KCNQ2: variants seen among roughly 807,000 people sequenced by gnomAD.
KCNQ2 encodes potassium voltage-gated channel subfamily Q member 2, also known as potassium voltage-gated channel subfamily KQT member 2.
In KCNQ2, 14 loss-of-function variants were observed where a neutral mutation model predicts 84.8. That is an observed-to-expected ratio of 0.17 (90% CI 0.11 to 0.26). The LOEUF (loss-of-function observed/expected upper bound fraction) is 0.26, where lower values mean the gene tolerates loss of function less well. Among genes scored for constraint, KCNQ2 ranks in the 10% least tolerant of loss-of-function variants. KCNQ2 has a pLI of 1.00. For missense variants in KCNQ2, 788 were observed against 1,254.0 expected, an observed-to-expected ratio of 0.63 and a Z score of 5.61; for synonymous variants, 599 against 554.1, an observed-to-expected ratio of 1.08 and a Z score of -1.14.
At chr20:63,458,072 A>G (rs1272396652) in intron 1 of KCNQ2, among the ~76,000 whole-genome samples, 1 of 151,890 alleles carries the variant, frequency 6.6e-6, no homozygotes, top group Non-Finnish European at 1.5e-5. Flanking sequence ...AGCCCCATGC[A>G]GAGGTCCTGG....
intron 10 of KCNQ2, 60 bp downstream of exon 10, chr20:63,428,307 G>C: frequency 3.0e-6 from 4 of 1,343,526 alleles, no homozygotes; most frequent in African/African-American, 1.5e-5. Context: ...TCTGTGGGCA[G>C]CTGGGGCCCC....
intron 1 of KCNQ2, chr20:63,471,894 G>C (rs542223265): frequency 2.4e-6 from 1 of 414,694 alleles, no homozygotes; most frequent in Non-Finnish European, 4.2e-6. Flanking sequence ...CCCAGGCTGA[G>C]GAGGGGGCTG....
rs1370256905 is a variant in KCNQ2, at chr20:63,438,182, C to T, written c.1023+443G>A. ...ACAGTGGTCACTGCACGCTACCCAC[C>T]CCCAAATGGTGGGACGGCACTGGGT... On this transcript the variant is annotated intron_variant, in intron 7 of 16. Transcript: ENST00000359125. This position sits in a 1 kb window ranked among gnomAD's most constrained non-coding sequence, Gnocchi z 5.1. The T allele has an allele frequency of 3.6e-6, 1 of 274,806 alleles. No homozygotes were observed. The highest frequency in any genetic ancestry group is 8.8e-5 in the East Asian group (1 of 11,350). The allele number at this position is 274,806 out of a possible 1,614,324, so 17.0% of individuals were successfully genotyped here. A position where few individuals can be genotyped will look rare whatever the true frequency, so the allele number is the denominator to read the frequency against.
At chr20:63,416,488 C>G (rs1568884286) in intron 12 of KCNQ2, among the ~76,000 whole-genome samples, 1 of 152,212 alleles carries the variant, frequency 6.6e-6, no homozygotes, top group African/African-American at 2.4e-5. Context: ...GTGGGGCTCT[C>G]ACGAACTGGG....
In KCNQ2 at chr20:63,419,616, T is replaced by C. The variant is rs1377778869; in HGVS notation, c.1301+3A>G. ...TCAGTCCGTGCGGCGTGTTCCGCGG[T>C]ACCTAGAGCGTCCGGGGCAGCATCC... On this transcript the variant is annotated splice_donor_region_variant and intron_variant, in intron 12 of 16. Coordinates refer to ENST00000359125, the MANE Select transcript of KCNQ2 (RefSeq NM_172107.4). 1 of 1,606,568 alleles carries C rather than the reference T, an allele frequency of 6.2e-7. No homozygotes were observed. The highest frequency in any genetic ancestry group is 8.5e-7 in the Non-Finnish European group (1 of 1,176,240).
rs1248104412 is a variant in KCNQ2 at position 63,428,408 on chromosome 20, C to T, written c.1176G>A (p.Glu392=). 1 of 1,589,700 alleles carries T rather than the reference C, an allele frequency of 6.3e-7. No individual in the cohort carries two copies. Among genetic ancestry groups the T allele is most frequent in the South Asian group, 1.2e-5 (1 of 86,706 alleles). Residue 392 remains glutamate, a synonymous_variant, in exon 10 of 17, where the codon GAG becomes GAA. Transcript: ENST00000359125. ...ATTTACTCTTGAGGTTCCTCAGCAG[C>T]TCCAGCTGGTTCAGCGGGGGGATAA... ...SRLIPPLNQL[E]LLRNLKSKSG...
At chr20:63,436,383 T>C (rs913655289) in intron 7 of KCNQ2, among the ~76,000 whole-genome samples, 6 of 151,992 alleles carry the variant, frequency 3.9e-5, no homozygotes, top group African/African-American at 1.5e-4. Flanking sequence ...TACAAAAAAT[T>C]AGCCAGGCGT....
chr20:63,444,795 G>A lies in KCNQ2; in HGVS notation c.554C>T (p.Ala185Val), dbSNP rs1131691529. 6.2e-7 allele frequency: 1 copy of A among 1,608,108 alleles called. No homozygotes were observed. ...GGCAAAGACGTTGCCCTGGGAGCCG[G>A]CGGCCAGCACCGCAATGGAGGCGAT... Reference protein sequence around the residue: ...VLIASIAVLAAGSQGNVFATS... With the variant: ...VLIASIAVLAVGSQGNVFATS... The change falls in exon 4 of 17, where the codon GCC (alanine) becomes GTC (valine). Residue 185 changes from alanine (A) to valine (V), a missense_variant. By Grantham distance (64) the Ala-to-Val change is moderately conservative (BLOSUM62 0). Around this residue, in one of 8 missense-constraint regions of KCNQ2, gnomAD observed 12 missense variants for 50.2 expected, o/e 0.24. Transcript: ENST00000359125.
chr20:63,450,605 G>A (rs183803886), intron 1 of KCNQ2, among the ~76,000 whole-genome samples: 81 of 124,946 alleles, frequency 6.5e-4, no homozygotes, highest in Middle Eastern at 4.0e-3. Flanking sequence ...GATCCCTAGC[G>A]CAGAGGTCAC....
chr20:63,428,510 G>A, intron 9 of KCNQ2, 75 bp from the exon 10 acceptor site: 2 of 1,268,264 alleles, frequency 1.6e-6, no homozygotes, highest in South Asian at 2.5e-5. Context: ...TGCTTGCACA[G>A]CTCCATGGGC....
chr20:63,468,608 C>G (rs566408426), intron 1 of KCNQ2, among the ~76,000 whole-genome samples: 1 of 152,344 alleles, frequency 6.6e-6, no homozygotes, highest in East Asian at 1.9e-4. Context: ...CCCTCCGTCC[C>G]AGGCCCTTCC....
intron 7 of KCNQ2, chr20:63,434,639 G>A (rs937077015): frequency 2.0e-5 from 3 of 152,240 alleles, no homozygotes; most frequent in East Asian, 3.9e-4. Context: ...CACCGCCAGG[G>A]TGTACGGGGC....
intron 11 of KCNQ2, among the ~76,000 whole-genome samples, chr20:63,421,775 G>A (rs1444413269): frequency 1.3e-5 from 2 of 152,108 alleles, no homozygotes; most frequent in East Asian, 1.9e-4. Flanking sequence ...GAGATGGGGT[G>A]TCGGACAAGA....
chr20:63,430,177 C>T (rs1443020365), intron 9 of KCNQ2, among the ~76,000 whole-genome samples: 1 of 152,132 alleles, frequency 6.6e-6, no homozygotes, highest in Admixed American at 6.5e-5. Context: ...GGCAGACAGG[C>T]GGGCGGCAGG....
intron 3 of KCNQ2, 59 bp downstream of exon 3, chr20:63,445,179 G>A (rs1349507216): frequency 1.2e-6 from 2 of 1,612,088 alleles, no homozygotes; most frequent in Non-Finnish European, 1.7e-6. Flanking sequence ...CCCCAGGGCT[G>A]AGTCCGTCCC....
chr20:63,439,967 G>A (rs1008529344), intron 5 of KCNQ2, among the ~76,000 whole-genome samples: 1 of 152,248 alleles, frequency 6.6e-6, no homozygotes, highest in South Asian at 2.1e-4. Flanking sequence ...AGAACCAGAG[G>A]CCCAGCGACG....
At chr20:63,419,579 G>T in intron 12 of KCNQ2, 40 bp downstream of exon 12, 1 of 1,583,974 alleles carries the variant, frequency 6.3e-7, no homozygotes, top group Non-Finnish European at 8.6e-7. Context: ...CAGAGGAGCC[G>T]TGCAGCAGCC....
intron 3 of KCNQ2, 117 bp downstream of exon 3, chr20:63,445,121 G>A (rs1038117257): frequency 8.7e-6 from 12 of 1,380,518 alleles, no homozygotes; most frequent in East Asian, 2.3e-5. Context: ...CTTCCAGAAG[G>A]AGCCAGTCCT....
In KCNQ2 at chr20:63,436,530, C is replaced by CAA. The variant is rs1275574529; in HGVS notation, c.1023+2093_1023+2094dup. Among the ~76,000 whole-genome samples the CAA allele has an allele frequency of 4.8e-3, 535 of 110,558 alleles. 2 individuals carry two copies. Among genetic ancestry groups the CAA allele is most frequent in the Middle Eastern group, 0.017 (3 of 178 alleles). 72.5% of individuals were successfully genotyped at this position (110,558 alleles called of 152,430 possible). The stretch of plus-strand genomic sequence containing the variant: ...TGGGCAACAGAGCGAGACTCCGTCT[C>CAA]AAAAAAAAAAAAAAAATCGCCACAG... On this transcript the variant is annotated intron_variant, in intron 7 of 16. Transcript: ENST00000359125.
Sources: allele counts gnomAD v4.1 joint callset (sites outside exome capture counted in the v4.1 genomes callset), GRCh38; gene constraint gnomAD v4.1.1; regional missense constraint gnomAD v4.1.1; non-coding constraint Gnocchi (gnomAD v3.1); transcripts MANE v1.5; gene names NCBI Gene and HGNC (gene_info 2026-07-23, HGNC 2026-07-21).